The following RAB30 variants were observed in gnomAD, a reference collection of about 807,000 sequenced individuals.
RAB30 encodes the protein ras-related protein Rab-30.
RAB30 carries 9 observed loss-of-function variants against 25.1 expected under a neutral mutation model. That is an observed-to-expected ratio of 0.36 (90% CI 0.22 to 0.63). The LOEUF (loss-of-function observed/expected upper bound fraction) is 0.63. Among genes scored for constraint, RAB30 ranks in the 20% least tolerant of loss-of-function variants. The pLI is 0.69. For synonymous variants in RAB30, 77 were observed against 86.4 expected, an observed-to-expected ratio of 0.89 and a Z score of 0.60; for missense variants, 140 against 243.5, an observed-to-expected ratio of 0.58 and a Z score of 2.83.
At chr11:82,992,677 C>T (rs1397305990) in intron 3 of RAB30, among the ~76,000 whole-genome samples, 1 of 151,530 alleles carries the variant, frequency 6.6e-6, no homozygotes, top group East Asian at 1.9e-4. Flanking sequence ...TCCTTCCTTT[C>T]CTTCCTTCTT....
At chr11:83,014,686 GAA>G (rs1555035179) in intron 1 of RAB30, among the ~76,000 whole-genome samples, 13 of 134,596 alleles carry the variant, frequency 9.7e-5, no homozygotes, top group South Asian at 2.3e-4. Flanking sequence ...AAGAAAGAAA[GAA>G]AGAAAGAGAA....
intron 1 of RAB30, among the ~76,000 whole-genome samples, chr11:83,015,830 ATAAC>A (rs1282251024): frequency 2.0e-5 from 3 of 152,202 alleles, no homozygotes; most frequent in Admixed American, 6.5e-5. Context: ...TGCTAAGAGA[ATAAC>A]TAAGATTAAA....
intron 1 of RAB30, among the ~76,000 whole-genome samples, chr11:83,040,393 A>T (rs1858080535): frequency 6.6e-6 from 1 of 152,112 alleles, no homozygotes; most frequent in Non-Finnish European, 1.5e-5. Context: ...GGAGTTCGAG[A>T]CTAGCCTGAC....
At position 82,980,798 on chromosome 11, in the gene RAB30, T is replaced by C. The variant is rs1050627621; in HGVS notation, c.*1367A>G. On this transcript the variant is annotated 3_prime_UTR_variant, in exon 5 of 5. Transcript: ENST00000527633. ...ATACACCTCCATTTGAATTGGAGATTTGCAGTAACACAGGCATATAAGGAT... is the reference window on the plus strand; with the variant it reads ...ATACACCTCCATTTGAATTGGAGATCTGCAGTAACACAGGCATATAAGGAT... The C allele has an allele frequency of 4.0e-5, 6 of 151,534 alleles. No homozygotes were observed. Among genetic ancestry groups the C allele is most frequent in the African/African-American group, 1.5e-4 (6 of 41,148 alleles). 9.4% of individuals were successfully genotyped at this position (151,534 alleles called of 1,614,324 possible).
At chr11:82,993,505 C>T (rs1856898723) in intron 3 of RAB30, among the ~76,000 whole-genome samples, 1 of 152,220 alleles carries the variant, frequency 6.6e-6, no homozygotes, top group Admixed American at 6.5e-5. Context: ...ACACACCATA[C>T]TTCTTCCAAG....
intron 1 of RAB30, among the ~76,000 whole-genome samples, chr11:83,057,662 C>T (rs904256983): frequency 6.6e-6 from 1 of 152,140 alleles, no homozygotes; most frequent in Non-Finnish European, 1.5e-5. Context: ...GGGACCATTA[C>T]CCCTAGCTTT....
At chr11:83,023,337 C>T (rs909688696) in intron 1 of RAB30, among the ~76,000 whole-genome samples, 3 of 152,186 alleles carry the variant, frequency 2.0e-5, no homozygotes, top group Non-Finnish European at 2.9e-5. Flanking sequence ...CTACATTTCA[C>T]ATAGGATTTG....
intron 1 of RAB30, among the ~76,000 whole-genome samples, chr11:83,006,646 C>T (rs1164037376): frequency 6.6e-6 from 1 of 152,180 alleles, no homozygotes; most frequent in African/African-American, 2.4e-5. Context: ...AAAAGCAAGA[C>T]AGTTTTCCTA....
intron 1 of RAB30, among the ~76,000 whole-genome samples, chr11:83,007,082 A>G (rs1472727715): frequency 2.6e-5 from 4 of 152,224 alleles, no homozygotes; most frequent in Non-Finnish European, 5.9e-5. Flanking sequence ...ATTTTACAGA[A>G]ATGAGATTTG....
chr11:82,987,778 G>A lies in RAB30; in HGVS notation c.178-8C>T, dbSNP rs199931340. 3.2e-6 allele frequency: 5 copies of A among 1,579,280 alleles called. No individual in the cohort carries two copies. The East Asian group carries it at 6.8e-5, about 21-fold the overall frequency. On this transcript the variant is annotated splice_polypyrimidine_tract_variant and splice_region_variant and intron_variant, in intron 3 of 4. Transcript: ENST00000527633. ...TGTGTCCCAGATCTGTAGCTGTAAA[G>A]GCATAAGATAAGAATCAGGTGAAGA...
intron 1 of RAB30, among the ~76,000 whole-genome samples, chr11:83,009,374 G>A (rs1485735478): frequency 6.6e-6 from 1 of 152,046 alleles, no homozygotes; most frequent in Non-Finnish European, 1.5e-5. Flanking sequence ...CCAAAAACGG[G>A]GAAATTTTTA....
chr11:83,030,316 G>A (rs1158439910), intron 1 of RAB30, among the ~76,000 whole-genome samples: 1 of 151,118 alleles, frequency 6.6e-6, no homozygotes, highest in East Asian at 1.9e-4. Context: ...GGGTAACATG[G>A]TGAGACCGCA....
At chr11:83,052,780 T>G (rs944077297) in intron 1 of RAB30, among the ~76,000 whole-genome samples, 3 of 152,130 alleles carry the variant, frequency 2.0e-5, no homozygotes, top group Non-Finnish European at 4.4e-5. Context: ...GAGCTGAAGT[T>G]TTCCTTTGTT....
At chr11:82,986,859 C>T (rs1306174000) in intron 4 of RAB30, among the ~76,000 whole-genome samples, 2 of 152,190 alleles carry the variant, frequency 1.3e-5, no homozygotes, top group Non-Finnish European at 2.9e-5. Flanking sequence ...TGTAACTTAA[C>T]AATGCTTCTA....
In RAB30 at chr11:82,980,355, A is replaced by G. The variant is rs953294419; in HGVS notation, c.*1810T>C. The G allele has an allele frequency of 2.6e-5, 4 of 152,246 alleles. No homozygotes were observed. Among genetic ancestry groups the G allele is most frequent in the African/African-American group, 4.8e-5 (2 of 41,470 alleles). 9.4% of individuals were successfully genotyped at this position (152,246 alleles called of 1,614,324 possible). A position where few individuals can be genotyped will look rare whatever the true frequency, so the allele number is the denominator to read the frequency against. On this transcript the variant is annotated 3_prime_UTR_variant, in exon 5 of 5. Coordinates refer to ENST00000527633, the MANE Select transcript of RAB30 (RefSeq NM_001286060.2). ...CACAGTGAGGCCAACCAAAAGTATC[A>G]GCCCCTTAAAAAATATGCATAATCT...
At chr11:83,009,007 T>C (rs1031115417) in intron 1 of RAB30, among the ~76,000 whole-genome samples, 12 of 152,088 alleles carry the variant, frequency 7.9e-5, no homozygotes, top group African/African-American at 2.9e-4. Context: ...CACATAACAA[T>C]GAACCCTGAG....
intron 3 of RAB30, among the ~76,000 whole-genome samples, chr11:82,991,506 C>CAAAAAAA (rs35298951): frequency 4.6e-5 from 3 of 65,872 alleles, no homozygotes; most frequent in African/African-American, 6.3e-5. Flanking sequence ...GACCCTTTCT[C>CAAAAAAA]AAAAAAAAAA....
intron 1 of RAB30, among the ~76,000 whole-genome samples, chr11:83,003,904 T>G (rs1857136980): frequency 6.6e-6 from 1 of 152,250 alleles, no homozygotes; most frequent in South Asian, 2.1e-4. Flanking sequence ...CCCTCAAAAT[T>G]TATTCAACAT....
At chr11:83,064,364 T>G (rs1403081379) in intron 1 of RAB30, among the ~76,000 whole-genome samples, 1 of 152,186 alleles carries the variant, frequency 6.6e-6, no homozygotes, top group African/African-American at 2.4e-5. Context: ...TGTCTCAGCC[T>G]CCCAAAGTGT....
Sources: gnomAD v4.1 joint callset for allele counts (sites outside exome capture counted in the v4.1 genomes callset) on GRCh38, gnomAD v4.1.1 for gene constraint, MANE v1.5 for transcripts, NCBI Gene and HGNC (gene_info 2026-07-23, HGNC 2026-07-21) for gene names.